Variants in DACH1 observed in about 807,000 individuals in gnomAD.
The protein encoded by DACH1 is dachshund family transcription factor 1, also known as dachshund homolog 1.
Under a neutral mutation model 54.2 loss-of-function variants are expected in DACH1, and 12 were observed. The ratio of observed to expected loss-of-function variants is 0.22; its 90% CI spans 0.14 to 0.36. DACH1 has a LOEUF of 0.36. DACH1 is among the 10% of genes least tolerant of loss of function. The probability of loss-of-function intolerance (pLI) is 1.00; values close to 1 mark genes in which losing one functional copy is unlikely to be tolerated. For synonymous variants in DACH1, 386 were observed against 366.2 expected (o/e 1.05, Z -0.62); for missense variants, 805 against 929.8 (o/e 0.87, Z 1.75).
intron 1 of DACH1, among the ~76,000 whole-genome samples, chr13:71,818,307 G>T (rs768834926): frequency 1.3e-5 from 2 of 152,180 alleles, no homozygotes; most frequent in Admixed American, 6.5e-5. Context: ...CTTTCACTAG[G>T]TTGTCTGTGA....
rs1463156943 is a variant in DACH1 at position 71,735,459 on chromosome 13, TAC to T, written c.849-53551_849-53550del. 7.6e-5 allele frequency among the ~76,000 whole-genome samples: 6 copies of T among 78,550 alleles called. 1 individual carries two copies. Among genetic ancestry groups the T allele is most frequent in the African/African-American group, 2.4e-4 (6 of 24,726 alleles). The allele number at this position is 78,550 out of a possible 152,430, so 51.5% of individuals were successfully genotyped here. A position where few individuals can be genotyped will look rare whatever the true frequency, so the allele number is the denominator to read the frequency against. Reference sequence around the variant, plus strand: ...TACGGATATACGTGTATATGGGATATACACGTATACGGGATATACGTGTATAT... The same window carrying T: ...TACGGATATACGTGTATATGGGATATACGTATACGGGATATACGTGTATAT... On this transcript the variant is annotated intron_variant, in intron 1 of 10. Coordinates refer to ENST00000613252, the MANE Select transcript of DACH1 (RefSeq NM_080759.6).
chr13:71,688,889 A>T (rs1881323024), intron 1 of DACH1, among the ~76,000 whole-genome samples: 1 of 152,216 alleles, frequency 6.6e-6, no homozygotes, highest in Admixed American at 6.5e-5. Context: ...AAGCATATGT[A>T]TGTTTTGTGG....
intron 1 of DACH1, among the ~76,000 whole-genome samples, chr13:71,738,194 G>A (rs573744508): frequency 6.6e-6 from 1 of 152,148 alleles, no homozygotes; most frequent in African/African-American, 2.4e-5. Flanking sequence ...CCATGGAAGT[G>A]ATTCTTAAAT....
chr13:71,823,374 A>G (rs1304657183), intron 1 of DACH1, among the ~76,000 whole-genome samples: 16 of 152,104 alleles, frequency 1.1e-4, no homozygotes, highest in Admixed American at 9.2e-4. Flanking sequence ...GCACATAATG[A>G]TACTAAAAAA....
At chr13:71,761,491 A>T (rs1285549845) in intron 1 of DACH1, among the ~76,000 whole-genome samples, 3 of 152,220 alleles carry the variant, frequency 2.0e-5, no homozygotes, top group Non-Finnish European at 2.9e-5. Context: ...TCAAGTAGGA[A>T]GCGAGATGAA....
intron 5 of DACH1, 51 bp downstream of exon 5, chr13:71,559,769 C>T (rs1345050751): frequency 1.7e-5 from 27 of 1,611,094 alleles, no homozygotes; most frequent in Non-Finnish European, 1.9e-5. Flanking sequence ...GAAAATCCAG[C>T]TGAACCCTAA....
At chr13:71,690,928 AGTAGTATCTAAACCAAT>A (rs915571831) in intron 1 of DACH1, among the ~76,000 whole-genome samples, 57 of 152,328 alleles carry the variant, frequency 3.7e-4, no homozygotes, top group African/African-American at 1.3e-3. Flanking sequence ...TGAGACCCCA[AGTAGTATCTAAACCAAT>A]TTTTTACACC....
intron 1 of DACH1, among the ~76,000 whole-genome samples, chr13:71,694,141 T>C (rs1881686156): frequency 6.6e-6 from 1 of 152,148 alleles, no homozygotes; most frequent in African/African-American, 2.4e-5. Flanking sequence ...ACAAGTTATT[T>C]GTATGCCACC....
At chr13:71,731,273 C>T (rs1314887566) in intron 1 of DACH1, among the ~76,000 whole-genome samples, 2 of 149,504 alleles carry the variant, frequency 1.3e-5, no homozygotes, top group African/African-American at 2.5e-5. Flanking sequence ...TTCTCTTTTC[C>T]TTGGTTTCTT....
intron 4 of DACH1, among the ~76,000 whole-genome samples, chr13:71,566,259 G>A (rs1246069977): frequency 1.3e-5 from 2 of 152,130 alleles, no homozygotes; most frequent in Non-Finnish European, 2.9e-5. Context: ...TTCCTGCATA[G>A]TTACCTCTGG....
intron 1 of DACH1, among the ~76,000 whole-genome samples, chr13:71,841,104 C>T (rs1173649551): frequency 2.0e-5 from 3 of 152,034 alleles, no homozygotes; most frequent in Non-Finnish European, 4.4e-5. Context: ...ATGTGGATGC[C>T]ATGAAATCAT....
intron 1 of DACH1, among the ~76,000 whole-genome samples, chr13:71,848,020 G>A (rs1028775112): frequency 2.6e-5 from 4 of 152,090 alleles, no homozygotes; most frequent in South Asian, 2.1e-4. Flanking sequence ...GCTGGGAGAC[G>A]CTTGGTACAG....
intron 1 of DACH1, among the ~76,000 whole-genome samples, chr13:71,836,687 T>C (rs73503546): frequency 0.025 from 3,796 of 152,188 alleles, 170 homozygotes; most frequent in African/African-American, 0.086. Context: ...GCTCTTCATA[T>C]CGCCTTCAAA....
At chr13:71,839,714 T>C (rs1888943350) in intron 1 of DACH1, among the ~76,000 whole-genome samples, 1 of 152,178 alleles carries the variant, frequency 6.6e-6, no homozygotes, top group East Asian at 1.9e-4. Flanking sequence ...GTTTCTAACA[T>C]CCCCTGGATA....
intron 1 of DACH1, among the ~76,000 whole-genome samples, chr13:71,806,167 G>C (rs933461321): frequency 1.3e-5 from 2 of 151,976 alleles, no homozygotes; most frequent in African/African-American, 4.8e-5. Flanking sequence ...AGATAATTAA[G>C]GACAATTTCC....
At chr13:71,795,422 T>C (rs751390904) in intron 1 of DACH1, among the ~76,000 whole-genome samples, 78 of 152,034 alleles carry the variant, frequency 5.1e-4, no homozygotes, top group Admixed American at 1.5e-3. Context: ...TTAAACATCA[T>C]GACCTGGTCC....
At chr13:71,675,790 C>G (rs1392303380) in intron 2 of DACH1, among the ~76,000 whole-genome samples, 1 of 152,092 alleles carries the variant, frequency 6.6e-6, no homozygotes, top group Non-Finnish European at 1.5e-5. Context: ...TTTTTCTGGA[C>G]AATGCCAGCA....
chr13:71,816,659 CGT>C (rs1491533034), intron 1 of DACH1, among the ~76,000 whole-genome samples: 3 of 22,178 alleles, frequency 1.4e-4, no homozygotes, highest in Admixed American at 6.3e-4. Context: ...TATATATACA[CGT>C]GTATATATAT....
chr13:71,499,873 T>C (rs1364801559), intron 6 of DACH1, among the ~76,000 whole-genome samples: 1 of 152,088 alleles, frequency 6.6e-6, no homozygotes, highest in Non-Finnish European at 1.5e-5. Context: ...AAACAAAAAA[T>C]GCACTCCCTT....
Sources: gnomAD v4.1 joint callset for allele counts (sites outside exome capture counted in the v4.1 genomes callset) on GRCh38, gnomAD v4.1.1 for gene constraint, MANE v1.5 for transcripts, NCBI Gene and HGNC (gene_info 2026-07-23, HGNC 2026-07-21) for gene names.